Variants in CPNE2 observed in about 807,000 individuals in gnomAD.
CPNE2 encodes the protein copine 2.
A neutral mutation model predicts 69.7 loss-of-function variants in CPNE2; 42 were observed. The ratio of observed to expected loss-of-function variants is 0.60; its 90% CI spans 0.47 to 0.78. The LOEUF is 0.78. CPNE2 is among the 30% of genes least tolerant of loss of function. The pLI, the probability that CPNE2 is intolerant of heterozygous loss-of-function variation, is 0.00. For missense variants in CPNE2, 587 were observed against 732.0 expected (o/e 0.80, Z 2.29); for synonymous variants, 294 against 289.8 (o/e 1.01, Z -0.15).
chr16:57,113,394 T>G lies in CPNE2; in HGVS notation c.287T>G (p.Phe96Cys). ...EEVQKLKFAL[F>C]DQDKSSMRLD... Reference sequence around the variant, plus strand: ...GTACAGAAGCTCAAGTTCGCGCTCTTTGACCAGGACAAGTCCAGTATGCGG... The same window carrying G: ...GTACAGAAGCTCAAGTTCGCGCTCTGTGACCAGGACAAGTCCAGTATGCGG... The change falls in exon 3 of 16, where the codon TTT (phenylalanine) becomes TGT (cysteine). Residue 96 changes from phenylalanine to cysteine, a missense_variant. By Grantham distance (205) the Phe-to-Cys change is radical (BLOSUM62 -2). Coordinates refer to ENST00000290776, the MANE Select transcript of CPNE2 (RefSeq NM_152727.6). The G allele has an allele frequency of 6.2e-7, 1 of 1,614,168 alleles. No homozygotes were observed. The highest frequency in any genetic ancestry group is 8.5e-7 in the Non-Finnish European group (1 of 1,180,022).
chr16:57,107,955 C>T (rs2069658213), intron 1 of CPNE2, among the ~76,000 whole-genome samples: 1 of 151,366 alleles, frequency 6.6e-6, no homozygotes, highest in African/African-American at 2.4e-5. Context: ...ACAGCAATCT[C>T]CACCTCCTGG....
At chr16:57,124,691 G>A in intron 10 of CPNE2, 4 of 252,194 alleles carry the variant, frequency 1.6e-5, no homozygotes, top group East Asian at 1.1e-4. Flanking sequence ...AAGGGAGGAA[G>A]CTGCTGGGGT....
At position 57,147,712 on chromosome 16, in the gene CPNE2, A is replaced by AC; in HGVS notation, c.*55dup. 1.6e-6 allele frequency: 2 copies of AC among 1,227,106 alleles called. No individual in the cohort carries two copies. The highest frequency in any genetic ancestry group is 2.3e-6 in the Non-Finnish European group (2 of 875,318). The allele number at this position is 1,227,106 out of a possible 1,614,324, so 76.0% of individuals were successfully genotyped here. A position where few individuals can be genotyped will look rare whatever the true frequency, so the allele number is the denominator to read the frequency against. On this transcript the variant is annotated 3_prime_UTR_variant, in exon 16 of 16. Transcript: ENST00000290776. ...CTGAGCCTCCTGCCCTCCCCCAGGA[A>AC]CATGCACGCTCACTCTGCTTCCTTG...
At chr16:57,131,741 C>T (rs2069840060) in intron 12 of CPNE2, among the ~76,000 whole-genome samples, 2 of 152,198 alleles carry the variant, frequency 1.3e-5, no homozygotes, top group Non-Finnish European at 2.9e-5. Flanking sequence ...GGCCCCTCAC[C>T]CTCTCTCGCA....
At chr16:57,103,279 G>A (rs1450166992) in intron 1 of CPNE2, among the ~76,000 whole-genome samples, 1 of 151,954 alleles carries the variant, frequency 6.6e-6, no homozygotes, top group Admixed American at 6.6e-5. Context: ...ACCACACCTG[G>A]CTAATTTTTT....
chr16:57,094,797 G>A (rs2069567989), intron 1 of CPNE2, among the ~76,000 whole-genome samples: 1 of 152,316 alleles, frequency 6.6e-6, no homozygotes, highest in East Asian at 1.9e-4. Flanking sequence ...TCTAGGGGCA[G>A]GGGCCTGGGG....
intron 2 of CPNE2, 87 bp from the exon 3 acceptor site, chr16:57,113,201 C>G (rs1481657075): frequency 3.1e-6 from 4 of 1,277,580 alleles, no homozygotes; most frequent in Non-Finnish European, 4.4e-6. Flanking sequence ...AGGCATTGTA[C>G]AAGTTAGCAG....
chr16:57,147,565 C>G lies in CPNE2; in HGVS notation c.1554C>G (p.Thr518=). Residue 518 remains threonine, a synonymous_variant, in exon 16 of 16, where the codon ACC becomes ACG. Transcript: ENST00000290776. The part of the protein sequence containing the change: ...FREFRNAAKE[T]LAKAVLAELP... ...CCACCCTGCAGGCAGCAAAAGAGAC[C>G]TTGGCCAAAGCTGTGCTGGCGGAGC... The G allele has an allele frequency of 1.2e-6, 2 of 1,604,652 alleles. No homozygotes were observed. Among genetic ancestry groups the G allele is most frequent in the Non-Finnish European group, 8.5e-7 (1 of 1,173,472 alleles).
chr16:57,122,861 A>G (rs1215105349), intron 9 of CPNE2, among the ~76,000 whole-genome samples: 1 of 149,768 alleles, frequency 6.7e-6, no homozygotes, highest in Admixed American at 6.7e-5. Context: ...CCAAACTGCT[A>G]GGATTACAGG....
intron 3 of CPNE2, 94 bp downstream of exon 3, chr16:57,113,561 T>C: frequency 3.0e-6 from 4 of 1,324,338 alleles, no homozygotes; most frequent in Non-Finnish European, 4.1e-6. Context: ...TAGCCCCATC[T>C]TCCTGGGTGG....
chr16:57,112,108 G>C (rs1053116793), intron 2 of CPNE2, among the ~76,000 whole-genome samples: 3 of 152,168 alleles, frequency 2.0e-5, no homozygotes, highest in African/African-American at 7.2e-5. Flanking sequence ...AACATACTGT[G>C]GTTTACAAAG....
chr16:57,122,593 T>C lies in CPNE2; in HGVS notation c.868-821T>C, dbSNP rs115344605. ...TCAGTCTTTCTTCCCTGTATTATTG[T>C]TTTTTGTTTTTGTTTTTGAGACAGA... On this transcript the variant is annotated intron_variant, in intron 9 of 15. Transcript: ENST00000290776. Among the ~76,000 whole-genome samples, 853 of 152,316 alleles carry C rather than the reference T, an allele frequency of 5.6e-3. 13 individuals are homozygous for C. Among genetic ancestry groups the C allele is most frequent in the African/African-American group, 0.019 (807 of 41,566 alleles).
At chr16:57,097,680 A>G (rs1011655290) in intron 1 of CPNE2, among the ~76,000 whole-genome samples, 1 of 152,170 alleles carries the variant, frequency 6.6e-6, no homozygotes, top group Non-Finnish European at 1.5e-5. Flanking sequence ...AGGCAGTGGC[A>G]GCAGGTGACG....
chr16:57,110,979 G>A, intron 2 of CPNE2, 57 bp downstream of exon 2: 1 of 1,517,196 alleles, frequency 6.6e-7, no homozygotes, highest in South Asian at 1.2e-5. Context: ...TGCTGGGGAG[G>A]GGGAGTCTCC....
chr16:57,121,530 T>G (rs2069761837), intron 8 of CPNE2, 144 bp from the exon 9 acceptor site: 1 of 772,982 alleles, frequency 1.3e-6, no homozygotes, highest in Non-Finnish European at 2.2e-6. Flanking sequence ...CTACCATTTT[T>G]GGGTGTGGAC....
At chr16:57,137,025 G>A in intron 13 of CPNE2, 124 bp from the exon 14 acceptor site, 3 of 1,381,652 alleles carry the variant, frequency 2.2e-6, no homozygotes, top group Non-Finnish European at 2.9e-6. Context: ...GTCTCACAAG[G>A]CCTATGCTAG....
intron 7 of CPNE2, among the ~76,000 whole-genome samples, chr16:57,120,296 C>T (rs1203629669): frequency 6.9e-6 from 1 of 145,514 alleles, no homozygotes; most frequent in South Asian, 2.2e-4. Context: ...AGTTATAGGC[C>T]GGGCGCGGTG....
intron 10 of CPNE2, 53 bp downstream of exon 10, chr16:57,123,526 C>T: frequency 6.3e-7 from 1 of 1,578,554 alleles, no homozygotes; most frequent in Non-Finnish European, 8.7e-7. Context: ...TGAGGGTCCT[C>T]CCTGAAGACT....
chr16:57,120,879 C>T (rs1005256180), intron 7 of CPNE2, among the ~76,000 whole-genome samples: 31 of 152,140 alleles, frequency 2.0e-4, no homozygotes, highest in African/African-American at 7.0e-4. Flanking sequence ...GGTACAGCCT[C>T]CATCAGTGGG....
Sources: gnomAD v4.1 joint callset for allele counts (sites outside exome capture counted in the v4.1 genomes callset) on GRCh38, gnomAD v4.1.1 for gene constraint, MANE v1.5 for transcripts, NCBI Gene and HGNC (gene_info 2026-07-23, HGNC 2026-07-21) for gene names.